The following EYS variants were observed in gnomAD, a reference collection of about 807,000 sequenced individuals.
EYS encodes EGF-like photoreceptor maintenance factor, also known as protein eyes shut homolog.
A neutral mutation model predicts 282.1 loss-of-function variants in EYS; 250 were observed. The ratio of observed to expected loss-of-function variants is 0.89; its 90% CI spans 0.80 to 0.98. The LOEUF (loss-of-function observed/expected upper bound fraction) is 0.98, where lower values mean the gene tolerates loss of function less well. EYS is among the 50% of genes least tolerant of loss of function. The pLI, the probability that EYS is intolerant of heterozygous loss-of-function variation, is 0.00. For synonymous variants in EYS, 1,355 were observed against 1,282.9 expected, an observed-to-expected ratio of 1.06 and a Z score of -1.20; for missense variants, 4,016 against 3,709.0, an observed-to-expected ratio of 1.08 and a Z score of -2.15.
intron 30 of EYS, among the ~76,000 whole-genome samples, chr6:64,294,158 A>G (rs1204107753): frequency 6.6e-6 from 1 of 152,174 alleles, no homozygotes; most frequent in African/African-American, 2.4e-5. Context: ...CCTTGGTAAA[A>G]TGATTCAAGC....
At chr6:64,542,268 A>T (rs1367910529) in intron 26 of EYS, among the ~76,000 whole-genome samples, 1 of 152,126 alleles carries the variant, frequency 6.6e-6, no homozygotes, top group Non-Finnish European at 1.5e-5. Flanking sequence ...TATGACTTCA[A>T]GTAATCTATG....
At chr6:64,725,089 T>C (rs1395665356) in intron 22 of EYS, among the ~76,000 whole-genome samples, 1 of 152,146 alleles carries the variant, frequency 6.6e-6, no homozygotes, top group African/African-American at 2.4e-5. Flanking sequence ...CACAGAATGC[T>C]TCTTCCCTCT....
intron 33 of EYS, among the ~76,000 whole-genome samples, chr6:64,000,400 C>T (rs1381438730): frequency 2.0e-5 from 3 of 150,378 alleles, no homozygotes; most frequent in Non-Finnish European, 4.4e-5. Flanking sequence ...CCAGTGTGAG[C>T]CAGGATGGTC....
rs184295964 is a variant in EYS, at chr6:64,268,716, G to T, written c.6192-37892C>A. On this transcript the variant is annotated intron_variant, in intron 30 of 42. Coordinates refer to ENST00000503581, the MANE Select transcript of EYS (RefSeq NM_001142800.2). ...TGCAAGGAATTAAGAATTGTTTGGGGATTCTGACCTGAGCAATTGAATACA... is the reference window on the plus strand; with the variant it reads ...TGCAAGGAATTAAGAATTGTTTGGGTATTCTGACCTGAGCAATTGAATACA... Among the ~76,000 whole-genome samples, 86 of 152,236 alleles carry T rather than the reference G, an allele frequency of 5.6e-4. 1 individual carries two copies. The highest frequency in any genetic ancestry group is 1.9e-3 in the African/African-American group (79 of 41,560).
chr6:65,317,825 C>CCAGA (rs1769342596), intron 11 of EYS, among the ~76,000 whole-genome samples: 1 of 81,254 alleles, frequency 1.2e-5, no homozygotes, highest in Non-Finnish European at 2.5e-5. Context: ...TTCCTTCCTT[C>CCAGA]CTTTCTTTCT....
At position 65,216,541 on chromosome 6, in the gene EYS, C is replaced by T. The variant is rs186915232; in HGVS notation, c.2023+79322G>A. On this transcript the variant is annotated intron_variant, in intron 12 of 42. Transcript: ENST00000503581. ...TTTTGAAACATTGTGGTGTGAGAAGCACTAGTTTGCTATTGTGGTTAAGGC... is the reference window on the plus strand; with the variant it reads ...TTTTGAAACATTGTGGTGTGAGAAGTACTAGTTTGCTATTGTGGTTAAGGC... Among the ~76,000 whole-genome samples the T allele has an allele frequency of 2.0e-5, 3 of 151,722 alleles. No homozygotes were observed. In the East Asian group the frequency reaches 5.8e-4, roughly 29 times the overall value.
At position 64,388,710 on chromosome 6, in the gene EYS, C is replaced by T; in HGVS notation, c.6058G>A (p.Asp2020Asn). 1 of 1,537,104 alleles carries T rather than the reference C, an allele frequency of 6.5e-7. No individual in the cohort carries two copies. Among genetic ancestry groups the T allele is most frequent in the South Asian group, 1.2e-5 (1 of 80,168 alleles). ...SGSVFIGGFPDLHGKIQMPVP... is the reference protein window; with the variant it reads ...SGSVFIGGFPNLHGKIQMPVP... Reference sequence around the variant, plus strand: ...AATACCTGGATTTTCCCATGAAGGTCTGGAAATCCACCAATGAAGACAGAT... The same window carrying T: ...AATACCTGGATTTTCCCATGAAGGTTTGGAAATCCACCAATGAAGACAGAT... Residue 2020 changes from aspartate (D) to asparagine (N), a missense_variant, in exon 29 of 43, where the codon GAC becomes AAC. By Grantham distance (23) the Asp-to-Asn change is conservative. Coordinates refer to ENST00000503581, the MANE Select transcript of EYS (RefSeq NM_001142800.2).
At chr6:64,778,012 T>C (rs1185672317) in intron 22 of EYS, among the ~76,000 whole-genome samples, 1 of 152,162 alleles carries the variant, frequency 6.6e-6, no homozygotes, top group African/African-American at 2.4e-5. Flanking sequence ...TTAAATTATC[T>C]AGTTGACTTA....
intron 19 of EYS, among the ~76,000 whole-genome samples, chr6:64,872,197 C>T (rs980881386): frequency 1.3e-5 from 2 of 152,000 alleles, no homozygotes; most frequent in Non-Finnish European, 2.9e-5. Context: ...CATAGCCAGC[C>T]TGTTGTTACC....
chr6:63,886,448 CA>C (rs34933830), intron 35 of EYS, among the ~76,000 whole-genome samples: 5,400 of 151,482 alleles, frequency 0.036, 164 homozygotes, highest in South Asian at 0.12. Flanking sequence ...GGCTGCATTC[CA>C]AAAAAAAGTG....
At chr6:65,012,119 C>G (rs1429636724) in intron 13 of EYS, among the ~76,000 whole-genome samples, 1 of 152,152 alleles carries the variant, frequency 6.6e-6, no homozygotes, top group African/African-American at 2.4e-5. Context: ...TAATAAACAT[C>G]TAATCTTAAT....
chr6:64,570,062 T>C (rs962588160), intron 26 of EYS, among the ~76,000 whole-genome samples: 2 of 152,144 alleles, frequency 1.3e-5, no homozygotes, highest in African/African-American at 4.8e-5. Context: ...GGTTACCCCA[T>C]AAGGGAAGCC....
intron 2 of EYS, among the ~76,000 whole-genome samples, chr6:65,627,035 TTCTC>T (rs1373358191): frequency 6.6e-6 from 1 of 151,552 alleles, no homozygotes; most frequent in Non-Finnish European, 1.5e-5. Context: ...TTCTCTTTCT[TTCTC>T]TCTTTCTTTC....
At chr6:64,263,236 C>A (rs1767648175) in intron 30 of EYS, among the ~76,000 whole-genome samples, 1 of 151,986 alleles carries the variant, frequency 6.6e-6, no homozygotes, top group Admixed American at 6.6e-5. Context: ...CCTCTTTATT[C>A]TGGGGACGCT....
intron 39 of EYS, among the ~76,000 whole-genome samples, chr6:63,787,637 T>C (rs1477036999): frequency 6.6e-6 from 1 of 152,196 alleles, no homozygotes; most frequent in Non-Finnish European, 1.5e-5. Context: ...ATCTAGTACA[T>C]ATGTAGTAAG....
At chr6:64,137,239 A>G (rs1774191920) in intron 31 of EYS, among the ~76,000 whole-genome samples, 1 of 152,066 alleles carries the variant, frequency 6.6e-6, no homozygotes, top group Non-Finnish European at 1.5e-5. Flanking sequence ...GTTGCTCTGG[A>G]TTAGTCTTTG....
intron 31 of EYS, among the ~76,000 whole-genome samples, chr6:64,097,458 G>T (rs1017468372): frequency 4.6e-5 from 7 of 152,120 alleles, no homozygotes; most frequent in East Asian, 1.9e-4. Context: ...AGTTGCGGAG[G>T]CCCCTCCCTC....
chr6:64,422,085 C>G (rs1774253726), intron 28 of EYS, among the ~76,000 whole-genome samples: 1 of 152,110 alleles, frequency 6.6e-6, no homozygotes, highest in African/African-American at 2.4e-5. Context: ...ATTATCTAGC[C>G]CCAGTATCAA....
At chr6:64,735,865 A>C (rs2149956444) in intron 22 of EYS, among the ~76,000 whole-genome samples, 1 of 152,158 alleles carries the variant, frequency 6.6e-6, no homozygotes, top group Admixed American at 6.5e-5. Context: ...ATAAAGACAA[A>C]ATAAAGAACT....
Sources: allele counts gnomAD v4.1 joint callset (sites outside exome capture counted in the v4.1 genomes callset), GRCh38; gene constraint gnomAD v4.1.1; transcripts MANE v1.5; gene names NCBI Gene and HGNC (gene_info 2026-07-23, HGNC 2026-07-21).